Variants in CLGN observed in about 807,000 individuals in gnomAD.
CLGN encodes the protein testis tissue sperm-binding protein Li 79P.
A neutral mutation model predicts 79.1 loss-of-function variants in CLGN; 62 were observed. The observed-to-expected ratio is 0.78, with a 90% CI of 0.64 to 0.97. The LOEUF is 0.97. Among genes scored for constraint, CLGN ranks in the 50% least tolerant of loss-of-function variants. CLGN has a pLI of 0.00. For synonymous variants in CLGN, 225 were observed against 224.7 expected (o/e 1.00, Z -0.01); for missense variants, 647 against 715.5 (o/e 0.90, Z 1.09).
chr4:140,402,232 T>C (rs1406174834), intron 5 of CLGN, among the ~76,000 whole-genome samples, 166 bp from the exon 6 acceptor site: 4 of 151,954 alleles, frequency 2.6e-5, no homozygotes, highest in Non-Finnish European at 5.9e-5. Flanking sequence ...GCAGAAACGC[T>C]TTTCTACTAC....
At position 140,393,882 on chromosome 4, in the gene CLGN, C is replaced by A. The variant is rs200652126; in HGVS notation, c.1309G>T (p.Asp437Tyr). The change falls in exon 11 of 15, where the codon GAT becomes TAT. Residue 437 changes from aspartate (D) to tyrosine (Y), a missense_variant. Transcript: ENST00000325617. ...FIICSEKEVA[D>Y]HWAADGWRWK... The stretch of plus-strand genomic sequence containing the variant: ...CTCCAACCATCTGCAGCCCAGTGAT[C>A]TGCTACTTCCTTTTCCGAACAGATA... 216 of 1,613,654 alleles carry A rather than the reference C, an allele frequency of 1.3e-4. No individual in the cohort carries two copies. Among genetic ancestry groups the A allele is most frequent in the Non-Finnish European group, 1.7e-4 (197 of 1,179,814 alleles).
At chr4:140,397,564 A>G (rs755844930) in intron 8 of CLGN, among the ~76,000 whole-genome samples, 6 of 152,086 alleles carry the variant, frequency 3.9e-5, no homozygotes, top group Non-Finnish European at 8.8e-5. Flanking sequence ...CCCTATTCCA[A>G]TATAATTTTT....
At chr4:140,396,519 T>C (rs755864809) in intron 8 of CLGN, among the ~76,000 whole-genome samples, 1 of 152,044 alleles carries the variant, frequency 6.6e-6, no homozygotes, top group Non-Finnish European at 1.5e-5. Context: ...ATATATTGCA[T>C]GCTTACTATG....
rs1400031989 is a variant in CLGN at position 140,415,276 on chromosome 4, G to T, written c.-9-2189C>A. 3.3e-5 allele frequency among the ~76,000 whole-genome samples: 5 copies of T among 152,058 alleles called. No homozygotes were observed. In the South Asian group the frequency reaches 8.3e-4, roughly 25 times the overall value. On this transcript the variant is annotated intron_variant, in intron 1 of 14. Coordinates refer to ENST00000325617, the MANE Select transcript of CLGN (RefSeq NM_004362.3). ...AAAATGTAAAGACCATCAAGACTAGGAAGAAACTGCATCAACTAACGAGCA... is the reference window on the plus strand; with the variant it reads ...AAAATGTAAAGACCATCAAGACTAGTAAGAAACTGCATCAACTAACGAGCA...
At chr4:140,420,906 A>G (rs1578609750) in intron 1 of CLGN, among the ~76,000 whole-genome samples, 1 of 152,200 alleles carries the variant, frequency 6.6e-6, no homozygotes, top group Middle Eastern at 3.4e-3. Flanking sequence ...AATTTCCAAA[A>G]CTTTCTTCAT....
At chr4:140,421,736 C>T (rs1729473593) in intron 1 of CLGN, among the ~76,000 whole-genome samples, 1 of 152,068 alleles carries the variant, frequency 6.6e-6, no homozygotes, top group Non-Finnish European at 1.5e-5. Context: ...AATATTTTCT[C>T]CCATTGCATA....
intron 10 of CLGN, 21 bp from the exon 11 acceptor site, chr4:140,394,062 G>C: frequency 1.3e-6 from 2 of 1,538,848 alleles, no homozygotes; most frequent in Non-Finnish European, 1.8e-6. Flanking sequence ...AGTAATTGAA[G>C]ACATTTTCAA....
At chr4:140,413,973 G>A (rs1729269063) in intron 1 of CLGN, among the ~76,000 whole-genome samples, 1 of 152,236 alleles carries the variant, frequency 6.6e-6, no homozygotes, top group Non-Finnish European at 1.5e-5. Context: ...CAGCTTTGAA[G>A]AGAGCAGTGG....
intron 8 of CLGN, 119 bp from the exon 9 acceptor site, chr4:140,396,324 C>A: frequency 1.2e-6 from 1 of 858,542 alleles, no homozygotes; most frequent in East Asian, 2.6e-5. Context: ...GTTATTTGTC[C>A]TCATCTACTA....
intron 1 of CLGN, among the ~76,000 whole-genome samples, chr4:140,419,735 A>T (rs1442614791): frequency 6.6e-6 from 1 of 152,178 alleles, no homozygotes; most frequent in Non-Finnish European, 1.5e-5. Context: ...TTATGGACAA[A>T]GACAAAAATG....
chr4:140,409,977 TA>T (rs1342362233), intron 3 of CLGN, 82 bp from the exon 4 acceptor site: 1 of 860,190 alleles, frequency 1.2e-6, no homozygotes, highest in Non-Finnish European at 1.8e-6. Flanking sequence ...AGAAACACAA[TA>T]AAAGATCACC....
At chr4:140,425,122 G>A (rs1729540312) in intron 1 of CLGN, among the ~76,000 whole-genome samples, 1 of 152,182 alleles carries the variant, frequency 6.6e-6, no homozygotes, top group Non-Finnish European at 1.5e-5. Context: ...TATAGTGTGG[G>A]AGAAGTTGCT....
chr4:140,405,376 G>A (rs1729087033), intron 5 of CLGN, among the ~76,000 whole-genome samples: 1 of 150,196 alleles, frequency 6.7e-6, no homozygotes, highest in Non-Finnish European at 1.5e-5. Context: ...AGTAGAGACG[G>A]GGTTTCACCG....
chr4:140,418,595 T>C (rs1191049992), intron 1 of CLGN, among the ~76,000 whole-genome samples: 1 of 150,368 alleles, frequency 6.7e-6, no homozygotes, highest in East Asian at 1.9e-4. Context: ...AAAAAACACA[T>C]GAAAAAATGC....
At chr4:140,419,726 T>C (rs1026951906) in intron 1 of CLGN, among the ~76,000 whole-genome samples, 1 of 152,176 alleles carries the variant, frequency 6.6e-6, no homozygotes, top group African/African-American at 2.4e-5. Context: ...CTTATATATT[T>C]ATGGACAAAG....
chr4:140,411,770 C>A (rs1462007797), intron 2 of CLGN, among the ~76,000 whole-genome samples: 1 of 152,058 alleles, frequency 6.6e-6, no homozygotes, highest in Non-Finnish European at 1.5e-5. Context: ...TACTGAATTA[C>A]AACTTTACTC....
chr4:140,425,429 G>GGTGTGTGGGTGTGTGTGT (rs1553946833), intron 1 of CLGN, among the ~76,000 whole-genome samples: 3 of 116,886 alleles, frequency 2.6e-5, no homozygotes, highest in African/African-American at 5.9e-5. Context: ...GAATCAATAG[G>GGTGTGTGGGTGTGTGTGT]GTGTGTGTGT....
chr4:140,422,171 G>A (rs933016100), intron 1 of CLGN, among the ~76,000 whole-genome samples: 1 of 152,130 alleles, frequency 6.6e-6, no homozygotes, highest in Non-Finnish European at 1.5e-5. Context: ...ACACTGATTT[G>A]ATTACTATAG....
Position 140,395,975 on chromosome 4 carries a change from G to A in CLGN, c.999-6C>T, listed in dbSNP as rs1728866225. 6.3e-7 allele frequency: 1 copy of A among 1,597,796 alleles called. No homozygotes were observed. The highest frequency in any genetic ancestry group is 8.5e-7 in the Non-Finnish European group (1 of 1,173,756). The stretch of plus-strand genomic sequence containing the variant: ...CTCCATCCGTGTCTTCATTCCTTAG[G>A]ATATTAAAACAAAGCAAATACAGTA... On this transcript the variant is annotated splice_polypyrimidine_tract_variant and splice_region_variant and intron_variant, in intron 9 of 14. Coordinates refer to ENST00000325617, the MANE Select transcript of CLGN (RefSeq NM_004362.3).
Sources: allele counts gnomAD v4.1 joint callset (sites outside exome capture counted in the v4.1 genomes callset), GRCh38; gene constraint gnomAD v4.1.1; transcripts MANE v1.5; gene names NCBI Gene and HGNC (gene_info 2026-07-23, HGNC 2026-07-21).